The following FOXP1 variants were observed in gnomAD, a reference collection of about 807,000 sequenced individuals.
FOXP1 encodes forkhead box protein P1.
In FOXP1, 15 loss-of-function variants were observed where a neutral mutation model predicts 98.2. The ratio of observed to expected loss-of-function variants is 0.15; its 90% CI spans 0.10 to 0.24. The LOEUF (loss-of-function observed/expected upper bound fraction) is 0.24. Among genes scored for constraint, FOXP1 ranks in the 10% least tolerant of loss-of-function variants. The probability of loss-of-function intolerance (pLI) is 1.00; values close to 1 mark genes in which losing one functional copy is unlikely to be tolerated. For synonymous variants in FOXP1, 371 were observed against 314.5 expected (o/e 1.18, Z -1.90); for missense variants, 633 against 848.5 (o/e 0.75, Z 3.15).
chr3:71,302,206 A>G (rs1307595246), intron 4 of FOXP1, among the ~76,000 whole-genome samples: 1 of 152,336 alleles, frequency 6.6e-6, no homozygotes, highest in East Asian at 1.9e-4. Flanking sequence ...AAAGATTAAT[A>G]GTTCAACAGC....
intron 7 of FOXP1, among the ~76,000 whole-genome samples, chr3:71,108,006 T>C (rs2057584245): frequency 1.3e-5 from 2 of 152,132 alleles, no homozygotes; most frequent in Non-Finnish European, 2.9e-5. Context: ...TGCAGTGAAA[T>C]GGCCTTCTGA....
At chr3:71,366,210 T>C (rs568565408) in intron 3 of FOXP1, among the ~76,000 whole-genome samples, 177 of 152,266 alleles carry the variant, frequency 1.2e-3, no homozygotes, top group Middle Eastern at 3.4e-3. Context: ...TAAATCTCAG[T>C]TCCCCATTAA....
chr3:71,345,834 C>A (rs2077303841), intron 4 of FOXP1, among the ~76,000 whole-genome samples: 1 of 122,956 alleles, frequency 8.1e-6, no homozygotes, highest in South Asian at 2.8e-4. Flanking sequence ...GCAGGGACTA[C>A]CGATAGGCTA....
intron 5 of FOXP1, among the ~76,000 whole-genome samples, chr3:71,205,819 A>G (rs1355015110): frequency 2.0e-5 from 3 of 152,238 alleles, no homozygotes; most frequent in Non-Finnish European, 4.4e-5. Flanking sequence ...GGGATCATCT[A>G]TAGCTATGAT....
chr3:71,310,480 G>T lies in FOXP1; in HGVS notation c.-72-10600C>A, dbSNP rs941468314. On this transcript the variant is annotated intron_variant, in intron 4 of 20. Transcript: ENST00000649528. ...GGCAAACTCTACTCTTTGCTTTTCT[G>T]CAGGGGCATGCTGGAGGCAGACGTT... Among the ~76,000 whole-genome samples the T allele has an allele frequency of 3.9e-5, 6 of 152,216 alleles. No homozygotes were observed. The East Asian group carries it at 1.2e-3, about 29-fold the overall frequency.
intron 6 of FOXP1, among the ~76,000 whole-genome samples, chr3:71,142,225 G>A (rs2060104643): frequency 6.6e-6 from 1 of 152,154 alleles, no homozygotes; most frequent in South Asian, 2.1e-4. Flanking sequence ...CCTTGGTCCT[G>A]TCAATGTGTA....
intron 3 of FOXP1, among the ~76,000 whole-genome samples, chr3:71,439,565 TA>T (rs1333453248): frequency 1.3e-5 from 2 of 152,168 alleles, no homozygotes; most frequent in Admixed American, 1.3e-4. Context: ...TCACAATACT[TA>T]AACGGTGGTG....
At chr3:71,187,530 C>A (rs886562015) in intron 6 of FOXP1, among the ~76,000 whole-genome samples, 2 of 152,196 alleles carry the variant, frequency 1.3e-5, no homozygotes, top group African/African-American at 4.8e-5. Flanking sequence ...CTGCAGTGAG[C>A]TGAGATCGCA....
chr3:71,384,623 T>C (rs2080430447), intron 3 of FOXP1, among the ~76,000 whole-genome samples: 1 of 152,186 alleles, frequency 6.6e-6, no homozygotes, highest in African/African-American at 2.4e-5. Flanking sequence ...GTGAACGACA[T>C]TCTGAGTTGA....
intron 4 of FOXP1, chr3:71,304,613 AG>A (rs1388703434): frequency 2.0e-5 from 3 of 152,224 alleles, no homozygotes; most frequent in African/African-American, 7.2e-5. Context: ...GCTCTGACGG[AG>A]TTACTTTGCC....
At chr3:71,479,598 GA>G (rs1423548593) in intron 3 of FOXP1, among the ~76,000 whole-genome samples, 2 of 148,682 alleles carry the variant, frequency 1.3e-5, no homozygotes, top group African/African-American at 2.5e-5. Context: ...AGAATCACTT[GA>G]ACCCAGGAGG....
chr3:71,054,390 T>G (rs1211239264), intron 7 of FOXP1, among the ~76,000 whole-genome samples: 2 of 152,234 alleles, frequency 1.3e-5, no homozygotes, highest in Non-Finnish European at 2.9e-5. Context: ...TTCCATGACA[T>G]TTCAGTGACA....
intron 7 of FOXP1, among the ~76,000 whole-genome samples, chr3:71,064,069 A>C (rs983678157): frequency 6.6e-5 from 10 of 152,008 alleles, no homozygotes; most frequent in Non-Finnish European, 1.5e-4. Flanking sequence ...TGCACGTCCA[A>C]ACCCAAACCC....
intron 7 of FOXP1, among the ~76,000 whole-genome samples, chr3:71,097,676 G>T (rs1165470944): frequency 6.6e-6 from 1 of 152,132 alleles, no homozygotes; most frequent in Non-Finnish European, 1.5e-5. Context: ...ACTTGCAGGG[G>T]CTCATTATAA....
At chr3:71,397,088 A>ATATATACACACATATATATATGTG (rs2081560068) in intron 3 of FOXP1, among the ~76,000 whole-genome samples, 2 of 6,492 alleles carry the variant, frequency 3.1e-4, no homozygotes, top group Non-Finnish European at 5.3e-4. Flanking sequence ...ATATATGTGT[A>ATATATACACACATATATATATGTG]TATATATATA....
intron 7 of FOXP1, 35 bp from the exon 8 acceptor site, chr3:71,053,808 G>A (rs1391265936): frequency 1.2e-6 from 2 of 1,613,306 alleles, no homozygotes; most frequent in African/African-American, 1.3e-5. Context: ...AGGAAGCCAG[G>A]AAATCAGAAG....
At chr3:70,977,112 GA>G in intron 16 of FOXP1, 70 bp from the exon 17 acceptor site, 4 of 1,038,850 alleles carry the variant, frequency 3.9e-6, no homozygotes, top group Non-Finnish European at 6.1e-6. Flanking sequence ...ACAGTTTCTC[GA>G]AAATATAAAA....
chr3:71,336,936 C>G (rs1376822309), intron 4 of FOXP1, among the ~76,000 whole-genome samples: 6 of 152,070 alleles, frequency 3.9e-5, no homozygotes, highest in African/African-American at 1.4e-4. Context: ...TCTGGGGAAC[C>G]CTACAGCTCA....
chr3:71,196,527 A>G (rs2063312683), intron 6 of FOXP1, among the ~76,000 whole-genome samples: 1 of 152,240 alleles, frequency 6.6e-6, no homozygotes, highest in South Asian at 2.1e-4. Flanking sequence ...TTAATTATTT[A>G]GTATCACATC....
Sources: allele counts gnomAD v4.1 joint callset (sites outside exome capture counted in the v4.1 genomes callset), GRCh38; gene constraint gnomAD v4.1.1; transcripts MANE v1.5; gene names NCBI Gene and HGNC (gene_info 2026-07-23, HGNC 2026-07-21).